PC: variants seen among roughly 807,000 people sequenced by gnomAD.
PC encodes the protein pyruvate carboxylase, mitochondrial.
PC carries 46 observed loss-of-function variants against 107.8 expected under a neutral mutation model. The ratio of observed to expected loss-of-function variants is 0.43; its 90% CI spans 0.34 to 0.55. The LOEUF is 0.55. Ranked by LOEUF, PC falls within the 20% of genes least tolerant of loss-of-function variation. The probability of loss-of-function intolerance (pLI) is 0.04; values close to 1 mark genes in which losing one functional copy is unlikely to be tolerated. For synonymous variants in PC, 662 were observed against 684.7 expected (o/e 0.97, Z 0.52); for missense variants, 1,241 against 1,643.1 (o/e 0.76, Z 4.23).
intron 3 of PC, among the ~76,000 whole-genome samples, chr11:66,885,512 C>A (rs1379364353): frequency 1.3e-5 from 2 of 148,326 alleles, no homozygotes; most frequent in African/African-American, 4.9e-5. Context: ...AAAAAAGTGA[C>A]CTTATTTGGA....
chr11:66,947,461 C>T (rs1949326356), intron 3 of PC, among the ~76,000 whole-genome samples: 1 of 151,860 alleles, frequency 6.6e-6, no homozygotes, highest in African/African-American at 2.4e-5. Flanking sequence ...GTGGTGGGTG[C>T]CTGTAGTCCC....
intron 3 of PC, among the ~76,000 whole-genome samples, chr11:66,894,095 T>C (rs1796898650): frequency 6.6e-6 from 1 of 151,992 alleles, no homozygotes. Context: ...CCACATTAGG[T>C]ACTAGGGATA....
chr11:66,872,380 T>A (rs535082815), intron 3 of PC, among the ~76,000 whole-genome samples: 1 of 152,126 alleles, frequency 6.6e-6, no homozygotes, highest in South Asian at 2.1e-4. Flanking sequence ...ACTGTGACTT[T>A]ATTGTTGTAG....
At chr11:66,900,545 G>A (rs1446181095) in intron 3 of PC, among the ~76,000 whole-genome samples, 2 of 152,048 alleles carry the variant, frequency 1.3e-5, no homozygotes, top group East Asian at 3.8e-4. Context: ...GTCAATTTCC[G>A]CTAATGAAGG....
intron 3 of PC, among the ~76,000 whole-genome samples, chr11:66,950,286 G>A (rs912244734): frequency 1.3e-5 from 2 of 152,148 alleles, no homozygotes; most frequent in African/African-American, 4.8e-5. Flanking sequence ...TGTCATGGTG[G>A]ATGTCATCAG....
At chr11:66,939,683 A>G (rs1166791101) in intron 3 of PC, among the ~76,000 whole-genome samples, 2 of 152,062 alleles carry the variant, frequency 1.3e-5, no homozygotes, top group African/African-American at 4.8e-5. Flanking sequence ...GCATGCCTGT[A>G]ATCCCAGCTA....
rs756309608 is a variant in PC, at chr11:66,849,167, G to C, written c.3289-20C>G. 6.2e-7 allele frequency: 1 copy of C among 1,613,776 alleles called. No homozygotes were observed. The highest frequency in any genetic ancestry group is 8.5e-7 in the Non-Finnish European group (1 of 1,180,040). Reference sequence around the variant, plus strand: ...CATCTCCTGAAGACACAGGGCAGAGGGGACATGACATCCTGGGCCCAGCCA... The same window carrying C: ...CATCTCCTGAAGACACAGGGCAGAGCGGACATGACATCCTGGGCCCAGCCA... On this transcript the variant is annotated intron_variant, in intron 22 of 22. Transcript: ENST00000393960.
intron 22 of PC, 22 bp from the exon 23 acceptor site, chr11:66,849,169 G>A (rs1413991601): frequency 3.7e-6 from 6 of 1,613,744 alleles, no homozygotes; most frequent in African/African-American, 1.3e-5. Flanking sequence ...GGGCAGAGGG[G>A]ACATGACATC....
At chr11:66,873,362 T>A (rs1946816274) in intron 3 of PC, among the ~76,000 whole-genome samples, 1 of 111,518 alleles carries the variant, frequency 9.0e-6, no homozygotes, top group Non-Finnish European at 1.7e-5. Flanking sequence ...ATATTATATA[T>A]AATATATTAT....
At chr11:66,894,065 C>A (rs1453156850) in intron 3 of PC, among the ~76,000 whole-genome samples, 2 of 152,048 alleles carry the variant, frequency 1.3e-5, no homozygotes, top group African/African-American at 2.4e-5. Flanking sequence ...CTACTCATTA[C>A]CACAGCTCTA....
chr11:66,926,191 C>A (rs1948710851), intron 3 of PC, among the ~76,000 whole-genome samples: 1 of 152,174 alleles, frequency 6.6e-6, no homozygotes, highest in Non-Finnish European at 1.5e-5. Flanking sequence ...AAAAGGCAAG[C>A]AAACTATTTC....
rs773730765 is a variant in PC at position 66,871,394 on chromosome 11, G to A, written c.408C>T (p.Val136=). Residue 136 remains valine (V), a synonymous_variant, in exon 6 of 23, where the codon GTC becomes GTT. Coordinates refer to ENST00000393960, the MANE Select transcript of PC (RefSeq NM_001040716.2). This position sits in a 1 kb window ranked among gnomAD's most constrained non-coding sequence, Gnocchi z 7.4. ...CTTCTGGGCTTGGCCCAATAAACCG[G>A]ACCCCTGCATCCTGGCAGGCCTGGG... The part of the protein sequence containing the change: ...DFAQACQDAG[V]RFIGPSPEVV... 9.9e-6 allele frequency: 16 copies of A among 1,613,632 alleles called. No homozygotes were observed. Among genetic ancestry groups the A allele is most frequent in the Non-Finnish European group, 1.3e-5 (15 of 1,180,030 alleles).
chr11:66,958,130 CG>C (rs1415439310), intron 1 of PC, 191 bp downstream of exon 1: 1 of 151,674 alleles, frequency 6.6e-6, no homozygotes, highest in Non-Finnish European at 1.5e-5. Context: ...GGGGGAGGGG[CG>C]CCGTCCGCTG....
At position 66,893,205 on chromosome 11, in the gene PC, G is replaced by A. The variant is rs146528796; in HGVS notation, c.1-21046C>T. On this transcript the variant is annotated intron_variant, in intron 3 of 22. Transcript: ENST00000393960. ...CTCCAGCTCTGTGCTATGACATCAC[G>A]TTGGTAGCCTGACACGGGCCACAGT... is the stretch of plus-strand genomic sequence containing the variant. Among the ~76,000 whole-genome samples, 997 of 152,308 alleles carry A rather than the reference G, an allele frequency of 6.5e-3. 4 individuals carry two copies. The highest frequency in any genetic ancestry group is 0.01 in the South Asian group (50 of 4,828).
chr11:66,867,860 C>G (rs1361942790), intron 10 of PC, among the ~76,000 whole-genome samples: 1 of 152,236 alleles, frequency 6.6e-6, no homozygotes, highest in Non-Finnish European at 1.5e-5. Context: ...CTCCATGCCC[C>G]CGGCGAGCCA....
chr11:66,892,167 C>T (rs77090389), intron 3 of PC, among the ~76,000 whole-genome samples: 4,073 of 152,096 alleles, frequency 0.027, 168 homozygotes, highest in African/African-American at 0.093. Context: ...AAAGGTGGGG[C>T]GAGTCCGGGA....
In PC at chr11:66,859,763, G is replaced by A. The variant is rs767425174; in HGVS notation, c.1368+4011C>T. The A allele has an allele frequency of 5.0e-6, 8 of 1,607,360 alleles. No homozygotes were observed. The East Asian group carries it at 8.9e-5, about 18-fold the overall frequency. ...CTGACCTCACGGCCACCAGGCTGCT[G>A]GGCTGTGCCCATTTCTCCACGCTGC... On this transcript the variant is annotated intron_variant, in intron 12 of 22. Transcript: ENST00000393960.
Position 66,945,005 on chromosome 11 carries a change from T to C in PC, c.-1+7425A>G, listed in dbSNP as rs1407852833. 4.3e-5 allele frequency among the ~76,000 whole-genome samples: 5 copies of C among 117,554 alleles called. 2 individuals are homozygous for C. Among genetic ancestry groups the C allele is most frequent in the African/African-American group, 1.5e-4 (5 of 32,732 alleles). 77.1% of individuals were successfully genotyped at this position (117,554 alleles called of 152,430 possible). A position where few individuals can be genotyped will look rare whatever the true frequency, so the allele number is the denominator to read the frequency against. ...TTGATGGCAATGGGCTCTCCAAAGA[T>C]TGGTAGCTCTCCACCGGGAGGTTAG... On this transcript the variant is annotated intron_variant, in intron 3 of 22. Coordinates refer to ENST00000393960, the MANE Select transcript of PC (RefSeq NM_001040716.2).
At position 66,917,562 on chromosome 11, in the gene PC, C is replaced by T. The variant is rs780439587; in HGVS notation, c.-1+34868G>A. Among the ~76,000 whole-genome samples the T allele has an allele frequency of 3.9e-5, 6 of 152,106 alleles. 1 individual carries two copies. Among genetic ancestry groups the T allele is most frequent in the African/African-American group, 9.7e-5 (4 of 41,412 alleles). Reference sequence around the variant, plus strand: ...GCTCCAAGGAAAACTAGAACCAGGCCGGGAGGACTGATGCTATTCTGAAGG... The same window carrying T: ...GCTCCAAGGAAAACTAGAACCAGGCTGGGAGGACTGATGCTATTCTGAAGG... On this transcript the variant is annotated intron_variant, in intron 3 of 22. Coordinates refer to ENST00000393960, the MANE Select transcript of PC (RefSeq NM_001040716.2).
Sources: allele counts gnomAD v4.1 joint callset (sites outside exome capture counted in the v4.1 genomes callset), GRCh38; gene constraint gnomAD v4.1.1; non-coding constraint Gnocchi (gnomAD v3.1); transcripts MANE v1.5; gene names NCBI Gene and HGNC (gene_info 2026-07-23, HGNC 2026-07-21).